SMYD4: variants seen among roughly 807,000 people sequenced by gnomAD.
SMYD4 encodes SET and MYND domain containing 4.
A neutral mutation model predicts 72.8 loss-of-function variants in SMYD4; 68 were observed. The observed-to-expected ratio is 0.93, with a 90% CI of 0.77 to 1.14. The LOEUF is 1.14. Among genes scored for constraint, SMYD4 ranks in the 50% most tolerant of loss-of-function variants. The pLI, the probability that SMYD4 is intolerant of heterozygous loss-of-function variation, is 0.00. For missense variants in SMYD4, 984 were observed against 1,003.7 expected (o/e 0.98, Z 0.27); for synonymous variants, 407 against 388.6 (o/e 1.05, Z -0.56).
At chr17:1,796,046 C>T (rs955615440) in intron 5 of SMYD4, among the ~76,000 whole-genome samples, 2 of 152,090 alleles carry the variant, frequency 1.3e-5, no homozygotes, top group Admixed American at 6.6e-5. Flanking sequence ...GCCGATGTCT[C>T]CAAACCACTT....
rs772224804 is a variant in SMYD4, at chr17:1,783,071, T to C, written c.2225A>G (p.His742Arg). The C allele has an allele frequency of 6.2e-7, 1 of 1,614,186 alleles. No homozygotes were observed. The highest frequency in any genetic ancestry group is 8.5e-7 in the Non-Finnish European group (1 of 1,180,022). The change falls in exon 10 of 11, where the codon CAT becomes CGT. Residue 742 changes from histidine to arginine, a missense_variant. Physicochemically the swap from His to Arg is conservative, Grantham distance 29. Coordinates refer to ENST00000305513, the MANE Select transcript of SMYD4 (RefSeq NM_052928.3). Reference sequence around the variant, plus strand: ...GATCTGGGCCAATTTGAAGAGCTCATGGCCCATTTCAACACTGGACGGCCC... The same window carrying C: ...GATCTGGGCCAATTTGAAGAGCTCACGGCCCATTTCAACACTGGACGGCCC... ...RHGPSSVEMG[H>R]ELFKLAQIFF...
intron 2 of SMYD4, among the ~76,000 whole-genome samples, chr17:1,817,108 G>T (rs1567786242): frequency 6.8e-6 from 1 of 147,266 alleles, no homozygotes; most frequent in Non-Finnish European, 1.5e-5. Context: ...TCAGTTTCTC[G>T]GCCACTGCAA....
At chr17:1,816,125 A>G (rs77891526) in intron 2 of SMYD4, among the ~76,000 whole-genome samples, 240 of 152,264 alleles carry the variant, frequency 1.6e-3, no homozygotes, top group Middle Eastern at 6.8e-3. Flanking sequence ...CCATTAAACC[A>G]TAACTCCTCA....
chr17:1,798,607 A>T (rs1909531992), intron 5 of SMYD4, among the ~76,000 whole-genome samples: 2 of 152,088 alleles, frequency 1.3e-5, no homozygotes, highest in South Asian at 4.2e-4. Context: ...TATTAAAAAA[A>T]TTTTAAAAGG....
At position 1,828,303 on chromosome 17, in the gene SMYD4, A is replaced by G. The variant is rs140729163; in HGVS notation, c.-12-297T>C. 9.8e-3 allele frequency among the ~76,000 whole-genome samples: 1,475 copies of G among 151,176 alleles called. 12 individuals are homozygous for G. Among genetic ancestry groups the G allele is most frequent in the South Asian group, 0.036 (169 of 4,748 alleles). ...GAGGCGGAGGTTGCAGTGAGCTGAG[A>G]TCACGCCATTGCACTCCAGCCTGGG... On this transcript the variant is annotated intron_variant, in intron 1 of 10. Coordinates refer to ENST00000305513, the MANE Select transcript of SMYD4 (RefSeq NM_052928.3).
intron 2 of SMYD4, among the ~76,000 whole-genome samples, chr17:1,823,691 C>T (rs1911012442): frequency 6.6e-6 from 1 of 152,112 alleles, no homozygotes; most frequent in African/African-American, 2.4e-5. Flanking sequence ...CAGGCCTGGC[C>T]AATCAGAGGA....
intron 3 of SMYD4, among the ~76,000 whole-genome samples, chr17:1,810,186 T>C (rs1910255679): frequency 6.6e-6 from 1 of 152,090 alleles, no homozygotes; most frequent in Non-Finnish European, 1.5e-5. Flanking sequence ...CTGACAGACA[T>C]GGGCAAGGCA....
intron 5 of SMYD4, 83 bp from the exon 6 acceptor site, chr17:1,787,687 G>T: frequency 7.2e-7 from 1 of 1,394,196 alleles, no homozygotes; most frequent in Non-Finnish European, 9.6e-7. Context: ...AGATGAGCTG[G>T]GCAGCTAGGC....
In SMYD4 at chr17:1,800,997, G is replaced by A; in HGVS notation, c.397C>T (p.Gln133Ter). Reference sequence around the variant, plus strand: ...AACCTTTCTGGATACCCATGTGTCTGTGCTCTGTTAATGTCTTTAAGACAC... The same window carrying A: ...AACCTTTCTGGATACCCATGTGTCTATGCTCTGTTAATGTCTTTAAGACAC... ...ETCLKDINRA[Q>*]THGYPERLQP... Residue 133 changes from glutamine to a stop codon, truncating the protein, a stop_gained, in exon 5 of 11, where the codon CAG becomes TAG. Transcript: ENST00000305513. LOFTEE classifies it high-confidence loss of function. The A allele has an allele frequency of 6.2e-7, 1 of 1,612,474 alleles. No homozygotes were observed. The highest frequency in any genetic ancestry group is 8.5e-7 in the Non-Finnish European group (1 of 1,178,618).
At chr17:1,804,494 T>C in intron 4 of SMYD4, 132 bp downstream of exon 4, 1 of 785,616 alleles carries the variant, frequency 1.3e-6, no homozygotes, top group Non-Finnish European at 2.1e-6. Flanking sequence ...GATATTAATG[T>C]GCTTCCAATT....
intron 5 of SMYD4, among the ~76,000 whole-genome samples, chr17:1,792,719 G>C (rs528454097): frequency 6.6e-6 from 1 of 152,214 alleles, no homozygotes; most frequent in South Asian, 2.1e-4. Context: ...AATTACTAGA[G>C]AGGTTAGAGA....
chr17:1,786,896 G>C lies in SMYD4; in HGVS notation c.1798C>G (p.Pro600Ala). 6.2e-7 allele frequency: 1 copy of C among 1,614,242 alleles called. No individual in the cohort carries two copies. Among genetic ancestry groups the C allele is most frequent in the Non-Finnish European group, 8.5e-7 (1 of 1,180,038 alleles). Residue 600 changes from proline (P) to alanine (A), a missense_variant, in exon 7 of 11, where the codon CCA becomes GCA. By Grantham distance (27) the Pro-to-Ala change is conservative (BLOSUM62 -1). Transcript: ENST00000305513. ...CTGTGTGCCTCAGTTTGACAAGCTG[G>C]ACAGGCGCAGTCAAAGAAATACTGA... The part of the protein sequence containing the change: ...RSQYFFDCAC[P>A]ACQTEAHRMA...
chr17:1,805,545 C>T lies in SMYD4; in HGVS notation c.280-830G>A, dbSNP rs371941792. Reference sequence around the variant, plus strand: ...ACTGGGATGAGACCGGGCATGGTGGCTCATGCCTGTAATCCCAGCACTTTG... The same window carrying T: ...ACTGGGATGAGACCGGGCATGGTGGTTCATGCCTGTAATCCCAGCACTTTG... On this transcript the variant is annotated intron_variant, in intron 3 of 10. Coordinates refer to ENST00000305513, the MANE Select transcript of SMYD4 (RefSeq NM_052928.3). 2.6e-4 allele frequency among the ~76,000 whole-genome samples: 39 copies of T among 152,196 alleles called. No homozygotes were observed. In the East Asian group the frequency reaches 6.9e-3, roughly 27 times the overall value.
chr17:1,791,293 G>A (rs1909018825), intron 5 of SMYD4, among the ~76,000 whole-genome samples: 1 of 151,988 alleles, frequency 6.6e-6, no homozygotes, highest in East Asian at 1.9e-4. Context: ...ACGTGTCACG[G>A]TCTAGAAAAT....
chr17:1,825,385 C>T (rs1911111054), intron 2 of SMYD4, among the ~76,000 whole-genome samples: 1 of 151,756 alleles, frequency 6.6e-6, no homozygotes, highest in Admixed American at 6.6e-5. Context: ...GATTAGAGAG[C>T]TAAAGGTAAA....
chr17:1,828,699 G>A (rs1911342811), intron 1 of SMYD4, among the ~76,000 whole-genome samples: 1 of 151,110 alleles, frequency 6.6e-6, no homozygotes, highest in South Asian at 2.1e-4. Flanking sequence ...CCAGGTTCAA[G>A]CAATTCTCCT....
Position 1,800,727 on chromosome 17 carries a change from C to T in SMYD4, c.667G>A (p.Glu223Lys). ...AKTLEDAALR[E>K]ENEQLSNASS... The stretch of plus-strand genomic sequence containing the variant: ...GCATTGGAAAGTTGTTCATTCTCCT[C>T]CCTCAGCGCTGCATCCTCAAGGGTT... The change falls in exon 5 of 11, where the codon GAG becomes AAG. Residue 223 changes from glutamate to lysine, a missense_variant. By Grantham distance (56) the Glu-to-Lys change is moderately conservative. Transcript: ENST00000305513. 1 of 1,614,218 alleles carries T rather than the reference C, an allele frequency of 6.2e-7. No homozygotes were observed. The highest frequency in any genetic ancestry group is 2.2e-5 in the East Asian group (1 of 44,886).
intron 2 of SMYD4, among the ~76,000 whole-genome samples, chr17:1,823,291 G>C (rs898839546): frequency 6.6e-5 from 10 of 150,800 alleles, no homozygotes; most frequent in African/African-American, 2.4e-4. Flanking sequence ...CTACTCGAGA[G>C]GCTGAGGCAG....
chr17:1,792,718 A>G (rs1489566166), intron 5 of SMYD4, among the ~76,000 whole-genome samples: 1 of 152,104 alleles, frequency 6.6e-6, no homozygotes, highest in Non-Finnish European at 1.5e-5. Context: ...TAATTACTAG[A>G]GAGGTTAGAG....
Sources: gnomAD v4.1 joint callset for allele counts (sites outside exome capture counted in the v4.1 genomes callset) on GRCh38, gnomAD v4.1.1 for gene constraint, MANE v1.5 for transcripts, NCBI Gene and HGNC (gene_info 2026-07-23, HGNC 2026-07-21) for gene names.